AFG2A: variants seen among roughly 807,000 people sequenced by gnomAD.
AFG2A encodes the protein AAA ATPase AFG2A, also known as ATPase family gene 2 protein homolog A.
the AFG2A span, among the ~76,000 whole-genome samples, chr4:123,269,457 A>C: frequency 6.6e-6 from 1 of 152,256 alleles, no homozygotes; most frequent in African/African-American, 2.4e-5. Flanking sequence ...CATGGCTTGC[A>C]TAGTGGGTTG....
chr4:123,281,026 G>A, the AFG2A span, among the ~76,000 whole-genome samples: 1 of 151,368 alleles, frequency 6.6e-6, no homozygotes. Context: ...TTTTTTTAAT[G>A]TTATTTTAGT....
At chr4:123,025,181 T>A in the AFG2A span, among the ~76,000 whole-genome samples, 1 of 152,170 alleles carries the variant, frequency 6.6e-6, no homozygotes, top group Non-Finnish European at 1.5e-5. Context: ...CCCCTCAAGT[T>A]GGAGAAAAGA....
chr4:123,212,562 A>G, the AFG2A span, among the ~76,000 whole-genome samples: 1 of 152,178 alleles, frequency 6.6e-6, no homozygotes, highest in Non-Finnish European at 1.5e-5. Flanking sequence ...TAGCTAGAAA[A>G]TGATCAAAAT....
At chr4:123,026,097 G>A in the AFG2A span, among the ~76,000 whole-genome samples, 1 of 84,382 alleles carries the variant, frequency 1.2e-5, no homozygotes, top group African/African-American at 5.1e-5. Flanking sequence ...AAGACCTCGT[G>A]TATGTGTATG....
chr4:123,114,805 G>A, the AFG2A span, among the ~76,000 whole-genome samples: 12 of 152,360 alleles, frequency 7.9e-5, no homozygotes, highest in African/African-American at 2.2e-4. Context: ...CCACAGTGGT[G>A]GCAGGTGAGG....
the AFG2A span, among the ~76,000 whole-genome samples, chr4:123,185,688 A>G: frequency 6.6e-6 from 1 of 152,172 alleles, no homozygotes. Flanking sequence ...TTTCTTATAC[A>G]TGAAGGAGTT....
chr4:123,234,681 T>G, the AFG2A span, among the ~76,000 whole-genome samples: 1 of 152,140 alleles, frequency 6.6e-6, no homozygotes, highest in Non-Finnish European at 1.5e-5. Flanking sequence ...TACAAATTAT[T>G]CTTATCCCCA....
the AFG2A span, among the ~76,000 whole-genome samples, chr4:123,178,839 C>G: frequency 6.6e-6 from 1 of 152,190 alleles, no homozygotes; most frequent in Non-Finnish European, 1.5e-5. Flanking sequence ...AACAATACTG[C>G]TGCAAGTGTA....
At chr4:123,013,634 T>C in the AFG2A span, among the ~76,000 whole-genome samples, 1,603 of 152,114 alleles carry the variant, frequency 0.011, 29 homozygotes, top group African/African-American at 0.036. Flanking sequence ...TTAGGACAAA[T>C]ACCTAATGCA....
At chr4:122,930,971 A>T in the AFG2A span, among the ~76,000 whole-genome samples, 1 of 102,968 alleles carries the variant, frequency 9.7e-6, no homozygotes, top group Non-Finnish European at 2.5e-5. Flanking sequence ...CAGAGTATAG[A>T]CAAGAAAGTT....
At chr4:123,062,061 T>C in the AFG2A span, among the ~76,000 whole-genome samples, 1 of 152,334 alleles carries the variant, frequency 6.6e-6, no homozygotes, top group African/African-American at 2.4e-5. Context: ...CATAGGAGTT[T>C]AGCTCAGTAG....
chr4:123,289,718 A>C, the AFG2A span, among the ~76,000 whole-genome samples: 1 of 152,180 alleles, frequency 6.6e-6, no homozygotes, highest in African/African-American at 2.4e-5. Flanking sequence ...AGTAACAGCT[A>C]TTCTGACCGG....
the AFG2A span, among the ~76,000 whole-genome samples, chr4:123,198,052 T>C: frequency 6.6e-6 from 1 of 151,976 alleles, no homozygotes; most frequent in Non-Finnish European, 1.5e-5. Context: ...GGGCAGATCA[T>C]GAGGTCAGGA....
chr4:123,305,321 G>A, the AFG2A span, among the ~76,000 whole-genome samples: 80 of 152,284 alleles, frequency 5.3e-4, no homozygotes, highest in African/African-American at 1.9e-3. Context: ...GGAAGGGAGC[G>A]GTTCTTGGTT....
At chr4:123,145,166 T>G in the AFG2A span, among the ~76,000 whole-genome samples, 5 of 152,070 alleles carry the variant, frequency 3.3e-5, no homozygotes, top group African/African-American at 1.2e-4. Flanking sequence ...ATAATTATTT[T>G]TCTTACCATT....
At chr4:123,027,025 T>G in the AFG2A span, among the ~76,000 whole-genome samples, 1 of 152,314 alleles carries the variant, frequency 6.6e-6, no homozygotes, top group Non-Finnish European at 1.5e-5. Flanking sequence ...GTTTTTCCTG[T>G]TTCTTTTTCT....
the AFG2A span, among the ~76,000 whole-genome samples, chr4:123,297,307 C>G: frequency 0.72 from 109,809 of 152,150 alleles, 40,855 homozygotes; most frequent in Non-Finnish European, 0.81. Context: ...CAAAGAAGTT[C>G]ATTGGTGGCC....
chr4:123,272,690 T>A, the AFG2A span, among the ~76,000 whole-genome samples: 971 of 152,292 alleles, frequency 6.4e-3, 13 homozygotes, highest in African/African-American at 0.022. Flanking sequence ...AGTGACTTCA[T>A]TGAGCACTGA....
chr4:122,978,365 G>C, the AFG2A span, among the ~76,000 whole-genome samples: 1 of 152,244 alleles, frequency 6.6e-6, no homozygotes, highest in South Asian at 2.1e-4. Flanking sequence ...AGGGTGGGTA[G>C]CTCCTTCTCA....
Sources: gnomAD v4.1 joint callset for allele counts (sites outside exome capture counted in the v4.1 genomes callset) on GRCh38, gnomAD v4.1.1 for gene constraint, MANE v1.5 for transcripts, NCBI Gene and HGNC (gene_info 2026-07-23, HGNC 2026-07-21) for gene names.